Variants in BANP observed in about 807,000 individuals in gnomAD.
BANP encodes the protein BTG3 associated nuclear protein.
Under a neutral mutation model 68.1 loss-of-function variants are expected in BANP, and 11 were observed. That is an observed-to-expected ratio of 0.16 (90% CI 0.10 to 0.27). The LOEUF is 0.27. Ranked by LOEUF, BANP falls within the 10% of genes least tolerant of loss-of-function variation. The probability of loss-of-function intolerance (pLI) is 1.00; values close to 1 mark genes in which losing one functional copy is unlikely to be tolerated. For missense variants in BANP, 504 were observed against 722.7 expected, an observed-to-expected ratio of 0.70 and a Z score of 3.47; for synonymous variants, 329 against 303.2, an observed-to-expected ratio of 1.09 and a Z score of -0.88.
intron 13 of BANP, among the ~76,000 whole-genome samples, chr16:88,076,191 A>G (rs540479796): frequency 6.6e-6 from 1 of 152,354 alleles, no homozygotes; most frequent in East Asian, 1.9e-4. Context: ...GACAGTGTTT[A>G]TAGGAAGGCA....
rs1243700629 is a variant in BANP, at chr16:87,981,071, G to A, written c.106G>A (p.Glu36Lys). The A allele has an allele frequency of 9.3e-6, 15 of 1,613,832 alleles. No individual in the cohort carries two copies. The highest frequency in any genetic ancestry group is 2.2e-5 in the East Asian group (1 of 44,904). ...LENHVVTDED[E>K]PALKRQRLEI... Reference sequence around the variant, plus strand: ...GAATCATGTAGTGACAGATGAAGACGAACCTGCTTTGAAACGCCAGCGACT... The same window carrying A: ...GAATCATGTAGTGACAGATGAAGACAAACCTGCTTTGAAACGCCAGCGACT... Residue 36 changes from glutamate (E) to lysine (K), a missense_variant, in exon 3 of 14, where the codon GAA becomes AAA. Around this residue, in one of 3 missense-constraint regions of BANP, gnomAD observed 238 missense variants for 278.9 expected, o/e 0.85. Coordinates refer to ENST00000682872, the MANE Select transcript of BANP (RefSeq NM_001386991.1).
At chr16:88,012,486 TAAGGCTCTGAAC>T (rs1156942486) in intron 6 of BANP, among the ~76,000 whole-genome samples, 2 of 152,214 alleles carry the variant, frequency 1.3e-5, no homozygotes, top group Non-Finnish European at 2.9e-5. Context: ...CACCATGCTC[TAAGGCTCTGAAC>T]AACCGTGCAG....
At chr16:88,073,821 C>A (rs1247201416) in intron 13 of BANP, among the ~76,000 whole-genome samples, 5 of 152,266 alleles carry the variant, frequency 3.3e-5, no homozygotes, top group Admixed American at 2.0e-4. Context: ...ATTGAACAAA[C>A]CTGTGTCCCA....
chr16:88,009,276 G>A (rs1444964432), intron 6 of BANP, among the ~76,000 whole-genome samples: 1 of 152,178 alleles, frequency 6.6e-6, no homozygotes, highest in Non-Finnish European at 1.5e-5. Context: ...AATATGGGAA[G>A]TGCTAAAGGG....
intron 1 of BANP, among the ~76,000 whole-genome samples, chr16:87,961,093 G>C (rs997842909): frequency 2.0e-5 from 3 of 152,188 alleles, no homozygotes; most frequent in African/African-American, 7.2e-5. Flanking sequence ...TCACGCCTGG[G>C]TAAAAGATCC....
intron 11 of BANP, among the ~76,000 whole-genome samples, chr16:88,039,274 AAATCC>A (rs1329650506): frequency 1.3e-5 from 2 of 150,294 alleles, no homozygotes; most frequent in Non-Finnish European, 3.0e-5. Context: ...CGCAGCTTTT[AAATCC>A]ACAGTTGTGG....
chr16:88,045,791 G>C, intron 11 of BANP, among the ~76,000 whole-genome samples: 1 of 122,374 alleles, frequency 8.2e-6, no homozygotes, highest in East Asian at 3.0e-4. Context: ...CTGGATGGGT[G>C]GGGGGTGGGA....
intron 11 of BANP, among the ~76,000 whole-genome samples, chr16:88,054,210 C>T (rs1386979308): frequency 8.4e-6 from 1 of 118,754 alleles, no homozygotes; most frequent in African/African-American, 2.8e-5. Context: ...TAACGACTAC[C>T]ACCCCCACCT....
intron 1 of BANP, among the ~76,000 whole-genome samples, chr16:87,968,789 G>A (rs760091867): frequency 1.7e-4 from 26 of 152,148 alleles, no homozygotes; most frequent in African/African-American, 6.0e-4. Flanking sequence ...GAACATGAGC[G>A]TGCGTAGGTG....
chr16:88,059,272 G>A (rs556799999), intron 11 of BANP, among the ~76,000 whole-genome samples: 101 of 151,692 alleles, frequency 6.7e-4, no homozygotes, highest in African/African-American at 2.3e-3. Context: ...GCGGAGGTGT[G>A]TGAAGGTGTG....
At chr16:87,987,521 C>G (rs1240191310) in intron 4 of BANP, among the ~76,000 whole-genome samples, 1 of 151,646 alleles carries the variant, frequency 6.6e-6, no homozygotes, top group Non-Finnish European at 1.5e-5. Flanking sequence ...CCCAAGAGTT[C>G]CAGACCAGCG....
rs578162370 is a variant in BANP at position 87,999,344 on chromosome 16, G to A, written c.363-4951G>A. On this transcript the variant is annotated intron_variant, in intron 4 of 13. Transcript: ENST00000682872. ...CACGTCTCCATGCACGCACATGCGCGGCTGTACTTACCTGTCCTTCCAGAC... is the reference window on the plus strand; with the variant it reads ...CACGTCTCCATGCACGCACATGCGCAGCTGTACTTACCTGTCCTTCCAGAC... Among the ~76,000 whole-genome samples the A allele has an allele frequency of 2.2e-4, 32 of 146,450 alleles. No homozygotes were observed. The South Asian group carries it at 6.4e-3, about 29-fold the overall frequency.
intron 6 of BANP, among the ~76,000 whole-genome samples, chr16:88,008,774 A>G (rs1040566386): frequency 2.0e-5 from 3 of 152,246 alleles, no homozygotes; most frequent in African/African-American, 7.2e-5. Flanking sequence ...CTCATCAAAC[A>G]TAATTTTGCT....
At chr16:87,981,222 A>G (rs2063200970) in intron 3 of BANP, 95 bp downstream of exon 3, 3 of 922,112 alleles carry the variant, frequency 3.3e-6, no homozygotes, top group Middle Eastern at 2.1e-4. Context: ...TTCAAAATGT[A>G]GCCTCTCAGC....
intron 11 of BANP, among the ~76,000 whole-genome samples, chr16:88,045,252 G>T (rs1367521837): frequency 6.6e-6 from 1 of 152,204 alleles, no homozygotes; most frequent in Non-Finnish European, 1.5e-5. Context: ...CAGGTTTTTG[G>T]CATGGCTGGC....
At chr16:87,970,911 G>A (rs890841326) in intron 1 of BANP, among the ~76,000 whole-genome samples, 5 of 151,856 alleles carry the variant, frequency 3.3e-5, no homozygotes, top group African/African-American at 1.2e-4. Flanking sequence ...CAGCTACTCG[G>A]GAGGCTGAGG....
intron 1 of BANP, among the ~76,000 whole-genome samples, chr16:87,953,796 G>A (rs1430277193): frequency 6.6e-6 from 1 of 152,150 alleles, no homozygotes; most frequent in African/African-American, 2.4e-5. Context: ...TTCTCATCTG[G>A]ATGGGTTAGC....
chr16:88,033,913 A>G (rs2078744938), intron 9 of BANP, among the ~76,000 whole-genome samples: 1 of 151,930 alleles, frequency 6.6e-6, no homozygotes, highest in Non-Finnish European at 1.5e-5. Context: ...AGGAAGGAAG[A>G]CTTTTCTGGA....
At chr16:88,059,257 G>GTCTCTCTGGGTCTCCCCA (rs2086033218) in intron 11 of BANP, among the ~76,000 whole-genome samples, 1 of 149,974 alleles carries the variant, frequency 6.7e-6, no homozygotes, top group Non-Finnish European at 1.5e-5. Flanking sequence ...GGTGGGGTGG[G>GTCTCTCTGGGTCTCCCCA]GCGGGCGGAG....
Sources: allele counts gnomAD v4.1 joint callset (sites outside exome capture counted in the v4.1 genomes callset), GRCh38; gene constraint gnomAD v4.1.1; regional missense constraint gnomAD v4.1.1; transcripts MANE v1.5; gene names NCBI Gene and HGNC (gene_info 2026-07-23, HGNC 2026-07-21).